The following ZBTB20 variants were observed in gnomAD, a reference collection of about 807,000 sequenced individuals.
ZBTB20 encodes zinc finger and BTB domain containing 20.
Under a neutral mutation model 56.9 loss-of-function variants are expected in ZBTB20, and 9 were observed. The ratio of observed to expected loss-of-function variants is 0.16; its 90% CI spans 0.10 to 0.28. The LOEUF is 0.28. Among genes scored for constraint, ZBTB20 ranks in the 10% least tolerant of loss-of-function variants. The pLI, the probability that ZBTB20 is intolerant of heterozygous loss-of-function variation, is 1.00. For missense variants in ZBTB20, 655 were observed against 1,003.0 expected (o/e 0.65, Z 4.69); for synonymous variants, 417 against 420.7 (o/e 0.99, Z 0.11).
Position 114,327,502 on chromosome 3 carries a change from T to C in ZBTB20, c.*11503A>G, listed in dbSNP as rs1026503484. 6.6e-6 allele frequency: 1 copy of C among 152,056 alleles called. No homozygotes were observed. The highest frequency in any genetic ancestry group is 2.4e-5 in the African/African-American group (1 of 41,416). The allele number at this position is 152,056 out of a possible 1,614,324, so 9.4% of individuals were successfully genotyped here. On this transcript the variant is annotated 3_prime_UTR_variant, in exon 12 of 12. Coordinates refer to ENST00000675478, the MANE Select transcript of ZBTB20 (RefSeq NM_001348800.3). ...AAGAAAAAGAAGGATATAGGATTGA[T>C]TGGGAGAACATTCCAAGTGAAGATC... is the stretch of plus-strand genomic sequence containing the variant.
intron 3 of ZBTB20, among the ~76,000 whole-genome samples, chr3:114,937,485 A>G (rs942361626): frequency 1.8e-4 from 27 of 151,430 alleles, no homozygotes; most frequent in African/African-American, 6.1e-4. Flanking sequence ...GCCGGGGCGC[A>G]ATCTCGGCTC....
chr3:114,654,743 T>C (rs1321908984), intron 6 of ZBTB20, among the ~76,000 whole-genome samples: 1 of 152,182 alleles, frequency 6.6e-6, no homozygotes, highest in Non-Finnish European at 1.5e-5. Context: ...TTTCTGCCTA[T>C]TTGTTCTATC....
intron 6 of ZBTB20, among the ~76,000 whole-genome samples, chr3:114,643,358 G>C (rs939289032): frequency 6.6e-6 from 1 of 152,024 alleles, no homozygotes; most frequent in African/African-American, 2.4e-5. Context: ...AATGAAATGA[G>C]TTCTAATAAG....
At chr3:114,932,039 C>G (rs955731713) in intron 3 of ZBTB20, among the ~76,000 whole-genome samples, 2 of 152,130 alleles carry the variant, frequency 1.3e-5, no homozygotes, top group African/African-American at 4.8e-5. Context: ...CCTAGACATC[C>G]TATTTTTGTT....
chr3:115,057,756 C>T (rs2081859734), intron 2 of ZBTB20, among the ~76,000 whole-genome samples: 1 of 152,108 alleles, frequency 6.6e-6, no homozygotes, highest in African/African-American at 2.4e-5. Flanking sequence ...TCTCTTTCAG[C>T]TTTTATGTCC....
At chr3:114,473,200 C>T (rs2040344194) in intron 7 of ZBTB20, among the ~76,000 whole-genome samples, 1 of 152,218 alleles carries the variant, frequency 6.6e-6, no homozygotes, top group Admixed American at 6.5e-5. Context: ...TCCTGGCTTT[C>T]TTCCCTTCCG....
At chr3:114,952,995 T>C (rs11920121) in intron 3 of ZBTB20, among the ~76,000 whole-genome samples, 13,997 of 152,040 alleles carry the variant, frequency 0.092, 1,891 homozygotes, top group African/African-American at 0.3. Context: ...AAAACATGTT[T>C]GACAATTTAA....
rs868684292 is a variant in ZBTB20 at position 114,515,467 on chromosome 3, C to A, written c.-294-15076G>T. Among the ~76,000 whole-genome samples the A allele has an allele frequency of 3.3e-5, 5 of 152,294 alleles. No individual in the cohort carries two copies. The South Asian group carries it at 1.0e-3, about 32-fold the overall frequency. ...GCACAAAACTGTACAGCTTGATGCT[C>A]CTGCAGAATTACGGTTTCCAGCATA... On this transcript the variant is annotated intron_variant, in intron 6 of 11. Coordinates refer to ENST00000675478, the MANE Select transcript of ZBTB20 (RefSeq NM_001348800.3).
At chr3:114,770,322 C>A (rs2069108803) in intron 5 of ZBTB20, among the ~76,000 whole-genome samples, 1 of 151,848 alleles carries the variant, frequency 6.6e-6, no homozygotes, top group African/African-American at 2.4e-5. Context: ...TGCCTGTAAT[C>A]CCACCTACTC....
At chr3:114,572,790 C>A (rs1370742432) in intron 6 of ZBTB20, among the ~76,000 whole-genome samples, 1 of 152,164 alleles carries the variant, frequency 6.6e-6, no homozygotes, top group Admixed American at 6.5e-5. Context: ...TGGCATCAAA[C>A]TGGTTTTCTT....
At chr3:114,769,925 G>A (rs1272278354) in intron 5 of ZBTB20, among the ~76,000 whole-genome samples, 3 of 151,382 alleles carry the variant, frequency 2.0e-5, no homozygotes, top group African/African-American at 7.3e-5. Context: ...TGGGCATGGT[G>A]GTGTGCACCC....
chr3:114,483,010 T>C (rs928756792), intron 7 of ZBTB20, among the ~76,000 whole-genome samples: 1 of 152,204 alleles, frequency 6.6e-6, no homozygotes, highest in African/African-American at 2.4e-5. Flanking sequence ...TTTATAGCAG[T>C]ACTGGTCAGA....
chr3:114,432,607 G>A (rs1298479105), intron 7 of ZBTB20, among the ~76,000 whole-genome samples: 2 of 152,176 alleles, frequency 1.3e-5, no homozygotes, highest in Admixed American at 6.5e-5. Flanking sequence ...CTTTCTGAGG[G>A]GGACAGTAAA....
intron 2 of ZBTB20, among the ~76,000 whole-genome samples, chr3:114,982,208 T>C (rs2078358492): frequency 6.6e-6 from 1 of 152,080 alleles, no homozygotes; most frequent in Non-Finnish European, 1.5e-5. Flanking sequence ...AAATGGGCAA[T>C]ATTATCATAA....
intron 5 of ZBTB20, among the ~76,000 whole-genome samples, chr3:114,776,069 A>T (rs2069588006): frequency 6.9e-6 from 1 of 145,258 alleles, no homozygotes; most frequent in Non-Finnish European, 1.5e-5. Flanking sequence ...CAAAGTGCGG[A>T]CAGGAAAGTT....
chr3:114,846,609 GA>G, intron 4 of ZBTB20, among the ~76,000 whole-genome samples: 1 of 152,156 alleles, frequency 6.6e-6, no homozygotes, highest in Non-Finnish European at 1.5e-5. Flanking sequence ...ATGACAAGAG[GA>G]TATGGATCCA....
chr3:114,350,872 G>A lies in ZBTB20; in HGVS notation c.1206C>T (p.Ser402=). The stretch of plus-strand genomic sequence containing the variant: ...GCTCGGGTTGGGTGGGTTCAGCCTG[G>A]CTGTCCCGCGCCGCCCCAGGCCCAA... The part of the protein sequence containing the change: ...QQFGPGAARD[S]QAEPTQPEQA... Residue 402 remains serine (S), a synonymous_variant, in exon 11 of 12, where the codon AGC becomes AGT. Transcript: ENST00000675478. The A allele has an allele frequency of 6.2e-7, 1 of 1,609,068 alleles. No individual in the cohort carries two copies.
chr3:115,044,032 C>T lies in ZBTB20; in HGVS notation c.-507+27187G>A, dbSNP rs190427643. Among the ~76,000 whole-genome samples the T allele has an allele frequency of 2.6e-4, 40 of 152,312 alleles. 1 individual carries two copies. The highest frequency in any genetic ancestry group is 5.6e-4 in the Non-Finnish European group (38 of 68,032). ...CTGCTTTTGCCATGTGAAGTACCTGCTCCTCCTTTGCCTTCTGCCATTACT... is the reference window on the plus strand; with the variant it reads ...CTGCTTTTGCCATGTGAAGTACCTGTTCCTCCTTTGCCTTCTGCCATTACT... On this transcript the variant is annotated intron_variant, in intron 2 of 11. Coordinates refer to ENST00000675478, the MANE Select transcript of ZBTB20 (RefSeq NM_001348800.3).
chr3:114,404,559 CAT>C (rs1233112627), intron 7 of ZBTB20, among the ~76,000 whole-genome samples: 5 of 152,080 alleles, frequency 3.3e-5, no homozygotes, highest in Non-Finnish European at 5.9e-5. Context: ...ATAATAGTTT[CAT>C]ATGTTATTGT....
Sources: allele counts gnomAD v4.1 joint callset (sites outside exome capture counted in the v4.1 genomes callset), GRCh38; gene constraint gnomAD v4.1.1; transcripts MANE v1.5; gene names NCBI Gene and HGNC (gene_info 2026-07-23, HGNC 2026-07-21).